The following PRKCA variants were observed in gnomAD, a reference collection of about 807,000 sequenced individuals.
PRKCA encodes protein kinase C alpha type.
Under a neutral mutation model 87.0 loss-of-function variants are expected in PRKCA, and 27 were observed. The observed-to-expected ratio is 0.31, with a 90% CI of 0.23 to 0.43. PRKCA has a LOEUF of 0.43. PRKCA is among the 20% of genes least tolerant of loss of function. PRKCA has a pLI of 1.00. For missense variants in PRKCA, 518 were observed against 852.3 expected, an observed-to-expected ratio of 0.61 and a Z score of 4.88; for synonymous variants, 329 against 311.1, an observed-to-expected ratio of 1.06 and a Z score of -0.61.
intron 2 of PRKCA, among the ~76,000 whole-genome samples, chr17:66,465,044 G>A (rs1261018979): frequency 6.6e-6 from 1 of 151,976 alleles, no homozygotes; most frequent in African/African-American, 2.4e-5. Context: ...GGTGGTTTTT[G>A]TTTCTTGGTA....
intron 2 of PRKCA, among the ~76,000 whole-genome samples, chr17:66,386,711 A>G (rs1910080838): frequency 6.6e-6 from 1 of 152,230 alleles, no homozygotes; most frequent in African/African-American, 2.4e-5. Flanking sequence ...TACAATTCAA[A>G]TTTTGGTGGA....
rs556608169 is a variant in PRKCA at position 66,640,771 on chromosome 17, G to A, written c.289-584G>A. Among the ~76,000 whole-genome samples the A allele has an allele frequency of 7.2e-5, 11 of 152,332 alleles. No individual in the cohort carries two copies. In the East Asian group the frequency reaches 1.9e-3, roughly 27 times the overall value. On this transcript the variant is annotated intron_variant, in intron 3 of 16. Coordinates refer to ENST00000413366, the MANE Select transcript of PRKCA (RefSeq NM_002737.3). ...ACTGTGCTTGTCCCCAAGGGCTTTGGTGACCATAGCTCCAGAAGTAATAGC... is the reference window on the plus strand; with the variant it reads ...ACTGTGCTTGTCCCCAAGGGCTTTGATGACCATAGCTCCAGAAGTAATAGC...
intron 5 of PRKCA, among the ~76,000 whole-genome samples, chr17:66,658,159 C>T (rs1438034433): frequency 6.6e-6 from 1 of 152,042 alleles, no homozygotes; most frequent in African/African-American, 2.4e-5. Flanking sequence ...AATGAGAGCC[C>T]AGTAAAGGGG....
intron 13 of PRKCA, among the ~76,000 whole-genome samples, chr17:66,752,983 A>T (rs1374404131): frequency 6.6e-6 from 1 of 152,222 alleles, no homozygotes; most frequent in African/African-American, 2.4e-5. Context: ...TCTGCCAGGG[A>T]CTAGATAAAA....
At chr17:66,518,014 G>A (rs1046642116) in intron 3 of PRKCA, among the ~76,000 whole-genome samples, 4 of 151,914 alleles carry the variant, frequency 2.6e-5, no homozygotes, top group East Asian at 3.9e-4. Context: ...AAATAACTTG[G>A]TACACATGTA....
At chr17:66,328,636 A>G (rs188434245) in intron 2 of PRKCA, among the ~76,000 whole-genome samples, 1 of 152,084 alleles carries the variant, frequency 6.6e-6, no homozygotes, top group East Asian at 2.0e-4. Flanking sequence ...TGTCTCTACT[A>G]AAAATACGAA....
At chr17:66,474,333 G>A (rs1915448316) in intron 2 of PRKCA, among the ~76,000 whole-genome samples, 2 of 152,170 alleles carry the variant, frequency 1.3e-5, no homozygotes, top group South Asian at 4.1e-4. Context: ...AATTGATGGG[G>A]ACCCTGGGCT....
rs1916288657 is a variant in PRKCA, at chr17:66,492,479, C to T, written c.206-3722C>T. Among the ~76,000 whole-genome samples, 4 of 152,276 alleles carry T rather than the reference C, an allele frequency of 2.6e-5. 1 individual carries two copies. The highest frequency in any genetic ancestry group is 2.6e-4 in the Admixed American group (4 of 15,300). ...ATTTGATAAGTGTGAGTTTTCTTAA[C>T]AGTGTTCACTGAATGTGGAGATGGT... On this transcript the variant is annotated intron_variant, in intron 2 of 16. Transcript: ENST00000413366.
intron 2 of PRKCA, among the ~76,000 whole-genome samples, chr17:66,361,397 C>T (rs1294596439): frequency 5.9e-5 from 9 of 151,808 alleles, no homozygotes; most frequent in South Asian, 2.1e-4. Context: ...CTGTTACCTC[C>T]GCTTCCTGGG....
rs937076392 is a variant in PRKCA, at chr17:66,645,330, G to A, written c.401-53G>A. ...TGCTCATGCACCAAAACACTGAGGAGCGGTGGTTGGAGTCCATATGCCCAG... is the reference window on the plus strand; with the variant it reads ...TGCTCATGCACCAAAACACTGAGGAACGGTGGTTGGAGTCCATATGCCCAG... On this transcript the variant is annotated intron_variant, in intron 4 of 16. Transcript: ENST00000413366. The A allele has an allele frequency of 3.1e-6, 5 of 1,611,580 alleles. No homozygotes were observed. In the African/African-American group the frequency reaches 6.7e-5, roughly 22 times the overall value.
At chr17:66,388,926 T>A (rs1189610094) in intron 2 of PRKCA, among the ~76,000 whole-genome samples, 1 of 152,062 alleles carries the variant, frequency 6.6e-6, no homozygotes, top group Non-Finnish European at 1.5e-5. Flanking sequence ...TTTTGTTTAA[T>A]TCGAAGACCT....
Position 66,421,512 on chromosome 17 carries a change from TTCTTCTCTTC to T in PRKCA, c.206-74674_206-74665del, listed in dbSNP as rs10608909. 2.3e-3 allele frequency among the ~76,000 whole-genome samples: 337 copies of T among 145,158 alleles called. 2 individuals are homozygous for T. Among genetic ancestry groups the T allele is most frequent in the African/African-American group, 5.2e-3 (203 of 38,816 alleles). ...ATAGCTCTGAAATTTTCTTTCTTCT[TTCTTCTCTTC>T]TCTTCTCTTCTCTTTTCTTTCTTTT... On this transcript the variant is annotated intron_variant, in intron 2 of 16. Transcript: ENST00000413366.
intron 2 of PRKCA, among the ~76,000 whole-genome samples, chr17:66,340,623 T>A (rs1353035143): frequency 6.6e-6 from 1 of 152,112 alleles, no homozygotes; most frequent in Non-Finnish European, 1.5e-5. Flanking sequence ...AAGGAAAAAT[T>A]AGAGCCTATG....
chr17:66,519,307 G>A (rs1209412058), intron 3 of PRKCA, among the ~76,000 whole-genome samples: 1 of 152,144 alleles, frequency 6.6e-6, no homozygotes, highest in East Asian at 1.9e-4. Context: ...AAATGGCTGT[G>A]CATATTGTGT....
chr17:66,760,390 C>T (rs555746711), intron 13 of PRKCA, among the ~76,000 whole-genome samples: 16 of 152,168 alleles, frequency 1.1e-4, no homozygotes, highest in South Asian at 2.1e-4. Flanking sequence ...AAATGTTATA[C>T]GGTGCAATTA....
intron 3 of PRKCA, among the ~76,000 whole-genome samples, chr17:66,607,500 T>C (rs950941778): frequency 6.6e-6 from 1 of 152,248 alleles, no homozygotes; most frequent in Non-Finnish European, 1.5e-5. Context: ...TTTAAAGTTA[T>C]TGTTTTGGTC....
At chr17:66,766,163 A>G (rs2060776061) in intron 13 of PRKCA, among the ~76,000 whole-genome samples, 1 of 152,208 alleles carries the variant, frequency 6.6e-6, no homozygotes, top group Non-Finnish European at 1.5e-5. Flanking sequence ...GGCGCTTGGC[A>G]TTCTGCTTTT....
At chr17:66,541,177 A>G (rs1195891090) in intron 3 of PRKCA, among the ~76,000 whole-genome samples, 1 of 152,178 alleles carries the variant, frequency 6.6e-6, no homozygotes, top group African/African-American at 2.4e-5. Context: ...AGATGTGACC[A>G]TGAGGGGTTT....
chr17:66,451,504 A>G (rs897455589), intron 2 of PRKCA, among the ~76,000 whole-genome samples: 1 of 152,164 alleles, frequency 6.6e-6, no homozygotes, highest in African/African-American at 2.4e-5. Flanking sequence ...GAATGATATG[A>G]GCATCTGTTT....
Sources: allele counts gnomAD v4.1 joint callset (sites outside exome capture counted in the v4.1 genomes callset), GRCh38; gene constraint gnomAD v4.1.1; transcripts MANE v1.5; gene names NCBI Gene and HGNC (gene_info 2026-07-23, HGNC 2026-07-21).